Variants in PCLO observed in about 807,000 individuals in gnomAD.
PCLO encodes the protein protein piccolo.
Under a neutral mutation model 427.5 loss-of-function variants are expected in PCLO, and 82 were observed. That is an observed-to-expected ratio of 0.19 (90% CI 0.16 to 0.23). The LOEUF is 0.23. Ranked by LOEUF, PCLO falls within the 10% of genes least tolerant of loss-of-function variation. The pLI, the probability that PCLO is intolerant of heterozygous loss-of-function variation, is 1.00. For synonymous variants in PCLO, 2,357 were observed against 2,155.4 expected, an observed-to-expected ratio of 1.09 and a Z score of -2.59; for missense variants, 6,239 against 6,115.9, an observed-to-expected ratio of 1.02 and a Z score of -0.67.
intron 22 of PCLO, among the ~76,000 whole-genome samples, chr7:82,784,333 T>G (rs957772913): frequency 2.0e-5 from 3 of 152,190 alleles, no homozygotes; most frequent in African/African-American, 7.2e-5. Context: ...ACACTTCTGC[T>G]GGTCAGCCGG....
chr7:83,069,230 A>T (rs1789744848), intron 3 of PCLO, among the ~76,000 whole-genome samples: 1 of 152,134 alleles, frequency 6.6e-6, no homozygotes. Flanking sequence ...TACAAAAAAA[A>T]TCCACTTTGA....
At chr7:82,998,862 A>C (rs11773558) in intron 3 of PCLO, among the ~76,000 whole-genome samples, 95,098 of 151,376 alleles carry the variant, frequency 0.63, 31,388 homozygotes, top group East Asian at 0.85. Context: ...GGCATGGCAG[A>C]ATGTTGCAAT....
chr7:82,961,091 G>A (rs1795646417), intron 4 of PCLO, among the ~76,000 whole-genome samples: 1 of 152,150 alleles, frequency 6.6e-6, no homozygotes, highest in Non-Finnish European at 1.5e-5. Flanking sequence ...GTATAAGGAA[G>A]TACTTAACAT....
intron 15 of PCLO, among the ~76,000 whole-genome samples, chr7:82,837,351 C>A (rs1485491930): frequency 6.6e-6 from 1 of 151,856 alleles, no homozygotes; most frequent in Non-Finnish European, 1.5e-5. Context: ...AAGGAAAATT[C>A]AAATATCACT....
At chr7:83,084,897 A>T (rs766689910) in intron 3 of PCLO, among the ~76,000 whole-genome samples, 1 of 152,168 alleles carries the variant, frequency 6.6e-6, no homozygotes, top group African/African-American at 2.4e-5. Flanking sequence ...TCAAATTCAC[A>T]TTGGCAGTTG....
intron 7 of PCLO, among the ~76,000 whole-genome samples, chr7:82,910,989 TTAA>T (rs1794307144): frequency 2.0e-5 from 3 of 152,110 alleles, no homozygotes. Flanking sequence ...TTTTAATAAA[TTAA>T]TATCCTTTAT....
In PCLO at chr7:83,135,325, G is replaced by T. The variant is rs1470854695; in HGVS notation, c.2225C>A (p.Ser742Tyr). 6.2e-7 allele frequency: 1 copy of T among 1,613,814 alleles called. No homozygotes were observed. The highest frequency in any genetic ancestry group is 1.7e-5 in the Admixed American group (1 of 59,996). The change falls in exon 3 of 25, where the codon TCT (serine) becomes TAT (tyrosine). Residue 742 changes from serine to tyrosine, a missense_variant. Physicochemically the swap from Ser to Tyr is moderately radical, Grantham distance 144. Coordinates refer to ENST00000333891, the MANE Select transcript of PCLO (RefSeq NM_033026.6). ...PAPPKEPSVPSEQDKAPVADD... is the reference protein window; with the variant it reads ...PAPPKEPSVPYEQDKAPVADD... Reference sequence around the variant, plus strand: ...AGCAACAGGGGCCTTGTCCTGCTCAGATGGGACAGAAGGTTCTTTGGGAGG... The same window carrying T: ...AGCAACAGGGGCCTTGTCCTGCTCATATGGGACAGAAGGTTCTTTGGGAGG...
intron 9 of PCLO, among the ~76,000 whole-genome samples, chr7:82,883,781 T>G (rs1217576025): frequency 6.6e-6 from 1 of 152,196 alleles, no homozygotes; most frequent in East Asian, 1.9e-4. Flanking sequence ...TATTTTTTAA[T>G]TTATTTTGAG....
At chr7:82,780,419 G>T (rs1790847471) in intron 22 of PCLO, among the ~76,000 whole-genome samples, 1 of 152,158 alleles carries the variant, frequency 6.6e-6, no homozygotes, top group South Asian at 2.1e-4. Context: ...TCAGTCTTCT[G>T]GATTGATTGA....
chr7:83,115,384 T>C (rs1040772762), intron 3 of PCLO, among the ~76,000 whole-genome samples: 8 of 152,058 alleles, frequency 5.3e-5, no homozygotes, highest in African/African-American at 1.7e-4. Context: ...AAATGTATAA[T>C]AGTTATTCTG....
chr7:83,062,695 T>G (rs1472235290), intron 3 of PCLO, among the ~76,000 whole-genome samples: 2 of 152,114 alleles, frequency 1.3e-5, no homozygotes, highest in African/African-American at 2.4e-5. Flanking sequence ...ACTTCTCTGT[T>G]TAAATCTGTG....
At chr7:83,007,926 T>C (rs1376552050) in intron 3 of PCLO, among the ~76,000 whole-genome samples, 1 of 151,722 alleles carries the variant, frequency 6.6e-6, no homozygotes, top group Non-Finnish European at 1.5e-5. Context: ...CTGCTATTGT[T>C]ACCTGCTTTA....
chr7:82,976,363 G>C (rs900602944), intron 3 of PCLO, among the ~76,000 whole-genome samples: 11 of 152,168 alleles, frequency 7.2e-5, no homozygotes, highest in East Asian at 1.9e-4. Flanking sequence ...CTGCCCTTCA[G>C]ACTTAAGCTC....
At chr7:82,943,822 T>C (rs1795139048) in intron 6 of PCLO, among the ~76,000 whole-genome samples, 1 of 151,660 alleles carries the variant, frequency 6.6e-6, no homozygotes, top group Non-Finnish European at 1.5e-5. Flanking sequence ...GTGTGGTCCA[T>C]GTACGAAATG....
At chr7:82,977,175 A>G (rs1357326072) in intron 3 of PCLO, among the ~76,000 whole-genome samples, 1 of 152,100 alleles carries the variant, frequency 6.6e-6, no homozygotes, top group Non-Finnish European at 1.5e-5. Context: ...TGTTTTCAAT[A>G]ACATCCTATT....
rs138538468 is a variant in PCLO, at chr7:82,915,281, C to G, written c.12705G>C (p.Arg4235Ser). The G allele has an allele frequency of 2.5e-6, 4 of 1,613,444 alleles. No homozygotes were observed. The highest frequency in any genetic ancestry group is 3.3e-5 in the Admixed American group (2 of 59,948). ...CAAAAGTGATGTCATCTTGAAGGAGCCTTGCCCTGGAGGAAATGCCACCAA... is the reference window on the plus strand; with the variant it reads ...CAAAAGTGATGTCATCTTGAAGGAGGCTTGCCCTGGAGGAAATGCCACCAA... ...SSIGGISSRARLLQDDITFGL... is the reference protein window; with the variant it reads ...SSIGGISSRASLLQDDITFGL... Residue 4235 changes from arginine to serine, a missense_variant, in exon 7 of 25, where the codon AGG becomes AGC. This residue lies in a region of PCLO where 680 missense variants were observed against 677.3 expected (regional missense o/e 1.00). Transcript: ENST00000333891.
intron 22 of PCLO, among the ~76,000 whole-genome samples, chr7:82,781,664 G>A (rs1041336435): frequency 6.6e-6 from 1 of 152,150 alleles, no homozygotes; most frequent in South Asian, 2.1e-4. Context: ...TCAGGGGCAG[G>A]CCTCAGGAAA....
chr7:82,992,170 G>A (rs1796392440), intron 3 of PCLO, among the ~76,000 whole-genome samples: 1 of 152,048 alleles, frequency 6.6e-6, no homozygotes, highest in African/African-American at 2.4e-5. Flanking sequence ...TAAACTGATT[G>A]ATTACCTTGG....
intron 3 of PCLO, among the ~76,000 whole-genome samples, chr7:83,087,938 T>C (rs1790280639): frequency 6.6e-6 from 1 of 152,218 alleles, no homozygotes. Flanking sequence ...GCATTATAAA[T>C]TGCCGAATTG....
Sources: gnomAD v4.1 joint callset for allele counts (sites outside exome capture counted in the v4.1 genomes callset) on GRCh38, gnomAD v4.1.1 for gene constraint, gnomAD v4.1.1 regional missense constraint, MANE v1.5 for transcripts, NCBI Gene and HGNC (gene_info 2026-07-23, HGNC 2026-07-21) for gene names.